Variants in OSBPL10 observed in about 807,000 individuals in gnomAD.
OSBPL10 encodes the protein oxysterol-binding protein-related protein 10.
In OSBPL10, 49 loss-of-function variants were observed where a neutral mutation model predicts 81.7. The observed-to-expected ratio is 0.60, with a 90% confidence interval of 0.48 to 0.76. The LOEUF (loss-of-function observed/expected upper bound fraction) is 0.76, where lower values mean the gene tolerates loss of function less well. Among genes scored for constraint, OSBPL10 ranks in the 30% least tolerant of loss-of-function variants. The probability of loss-of-function intolerance (pLI) is 0.00; values close to 1 mark genes in which losing one functional copy is unlikely to be tolerated. For missense variants in OSBPL10, 923 were observed against 987.8 expected (o/e 0.93, Z 0.88); for synonymous variants, 419 against 383.6 (o/e 1.09, Z -1.08).
At chr3:31,975,571 A>G (rs767941005) in intron 1 of OSBPL10, among the ~76,000 whole-genome samples, 13 of 152,192 alleles carry the variant, frequency 8.5e-5, no homozygotes, top group Non-Finnish European at 1.6e-4. Flanking sequence ...ATGGCCCCCA[A>G]TGGGTGAGTT....
chr3:31,907,841 C>A (rs746383175), intron 1 of OSBPL10, among the ~76,000 whole-genome samples: 27 of 152,136 alleles, frequency 1.8e-4, no homozygotes, highest in Non-Finnish European at 3.5e-4. Flanking sequence ...AGCATTCCTG[C>A]CCTTGTGGAA....
intron 4 of OSBPL10, among the ~76,000 whole-genome samples, chr3:31,784,017 T>A (rs1698794394): frequency 6.6e-6 from 1 of 151,168 alleles, no homozygotes; most frequent in African/African-American, 2.4e-5. Flanking sequence ...CACAGAAACT[T>A]GTGATTTGTT....
rs543370148 is a variant in OSBPL10, at chr3:31,721,482, C to G, written c.1095+11775G>C. 2.0e-5 allele frequency: 3 copies of G among 152,310 alleles called. No individual in the cohort carries two copies. In the East Asian group the frequency reaches 5.8e-4, roughly 29 times the overall value. The allele number at this position is 152,310 out of a possible 1,614,324, so 9.4% of individuals were successfully genotyped here. On this transcript the variant is annotated intron_variant, in intron 6 of 11. Coordinates refer to ENST00000396556, the MANE Select transcript of OSBPL10 (RefSeq NM_017784.5). ...GATGCTCACTGACCTGGGGCCGCAC[C>G]AGGTGATTTCAGGACTTCCTCAGAG...
At chr3:31,998,514 C>A (rs1005993908) in intron 2 of OSBPL10, among the ~76,000 whole-genome samples, 7 of 152,184 alleles carry the variant, frequency 4.6e-5, no homozygotes, top group Non-Finnish European at 8.8e-5. Context: ...CTTGGGATTG[C>A]AATGATGGAG....
intron 1 of OSBPL10, among the ~76,000 whole-genome samples, chr3:31,884,399 C>T (rs1695674607): frequency 6.6e-6 from 1 of 152,340 alleles, no homozygotes; most frequent in South Asian, 2.1e-4. Flanking sequence ...TGATGGGACA[C>T]TATCTGATTA....
chr3:31,789,592 C>T (rs1698959917), intron 4 of OSBPL10, among the ~76,000 whole-genome samples: 1 of 152,192 alleles, frequency 6.6e-6, no homozygotes, highest in African/African-American at 2.4e-5. Context: ...GAGCCGGGAG[C>T]ACTGCCAGGC....
At chr3:31,692,179 C>T (rs1262257142) in intron 7 of OSBPL10, among the ~76,000 whole-genome samples, 1 of 152,108 alleles carries the variant, frequency 6.6e-6, no homozygotes, top group Non-Finnish European at 1.5e-5. Context: ...AGAAGGAATT[C>T]AGTTGGGAGC....
At chr3:32,061,065 T>A (rs183000087) in intron 1 of OSBPL10, among the ~76,000 whole-genome samples, 4,337 of 88,744 alleles carry the variant, frequency 0.049, 1,613 homozygotes, top group Middle Eastern at 0.16. Context: ...CAAGCCCCAT[T>A]CTTTCCCCTC....
chr3:31,675,359 G>C (rs1700440848), intron 8 of OSBPL10, among the ~76,000 whole-genome samples: 1 of 152,134 alleles, frequency 6.6e-6, no homozygotes. Flanking sequence ...TGGAGAATAT[G>C]CCACGACTTT....
intron 2 of OSBPL10, among the ~76,000 whole-genome samples, chr3:32,021,032 C>T (rs1699359343): frequency 6.6e-6 from 1 of 152,166 alleles, no homozygotes; most frequent in South Asian, 2.1e-4. Flanking sequence ...CCTGTGTGTA[C>T]GTGCTTTCCT....
intron 1 of OSBPL10, among the ~76,000 whole-genome samples, chr3:31,909,183 G>A (rs1365241228): frequency 6.6e-6 from 1 of 152,184 alleles, no homozygotes; most frequent in Non-Finnish European, 1.5e-5. Flanking sequence ...CAGATGGCTG[G>A]CCTTGGCCCT....
At chr3:31,922,144 C>CA (rs1411880753) in intron 1 of OSBPL10, among the ~76,000 whole-genome samples, 1 of 152,112 alleles carries the variant, frequency 6.6e-6, no homozygotes, top group Non-Finnish European at 1.5e-5. Flanking sequence ...GATCCTAGAA[C>CA]AGAAAAGGAA....
chr3:32,016,668 G>A (rs1006541881), intron 2 of OSBPL10, among the ~76,000 whole-genome samples: 1 of 152,094 alleles, frequency 6.6e-6, no homozygotes, highest in African/African-American at 2.4e-5. Context: ...GCTGCTTTTG[G>A]TAATTAGAAT....
chr3:31,672,218 A>G (rs528718189), intron 8 of OSBPL10, among the ~76,000 whole-genome samples: 1 of 152,190 alleles, frequency 6.6e-6, no homozygotes, highest in South Asian at 2.1e-4. Context: ...TTCAGCTCAC[A>G]ACAGCCCTAT....
intron 4 of OSBPL10, among the ~76,000 whole-genome samples, chr3:31,823,364 T>A (rs1188849359): frequency 6.6e-6 from 1 of 152,232 alleles, no homozygotes; most frequent in Non-Finnish European, 1.5e-5. Flanking sequence ...ATGTGACCTT[T>A]CACATAGGTA....
intron 6 of OSBPL10, among the ~76,000 whole-genome samples, chr3:31,726,039 G>A (rs770327094): frequency 5.3e-5 from 8 of 152,246 alleles, no homozygotes; most frequent in Admixed American, 1.3e-4. Flanking sequence ...GGGGTACATC[G>A]GGGTATAGCA....
chr3:31,818,810 C>A (rs1699913651), intron 4 of OSBPL10, among the ~76,000 whole-genome samples: 1 of 152,150 alleles, frequency 6.6e-6, no homozygotes, highest in South Asian at 2.1e-4. Context: ...CTGGTCTCAT[C>A]ACCTTTGGTC....
At chr3:31,936,818 C>CTTAT (rs1473895503) in intron 1 of OSBPL10, among the ~76,000 whole-genome samples, 2 of 152,186 alleles carry the variant, frequency 1.3e-5, no homozygotes, top group African/African-American at 2.4e-5. Flanking sequence ...CTGGGAAAGG[C>CTTAT]TTATTCACTG....
chr3:32,030,623 C>CCTT (rs1699458844), intron 2 of OSBPL10: 1 of 1,379,070 alleles, frequency 7.3e-7, no homozygotes, highest in Admixed American at 1.7e-5. Flanking sequence ...TTTGTGAGAA[C>CCTT]CAATGGGAAG....
Sources: gnomAD v4.1 joint callset for allele counts (sites outside exome capture counted in the v4.1 genomes callset) on GRCh38, gnomAD v4.1.1 for gene constraint, MANE v1.5 for transcripts, NCBI Gene and HGNC (gene_info 2026-07-23, HGNC 2026-07-21) for gene names.